GRXCR1: variants seen among roughly 807,000 people sequenced by gnomAD.
GRXCR1 encodes glutaredoxin and cysteine rich domain containing 1.
Under a neutral mutation model 27.3 loss-of-function variants are expected in GRXCR1, and 27 were observed. That is an observed-to-expected ratio of 0.99 (90% CI 0.73 to 1.37). GRXCR1 has a LOEUF of 1.37. Among genes scored for constraint, GRXCR1 ranks in the 40% most tolerant of loss-of-function variants. GRXCR1 has a pLI of 0.00. For synonymous variants in GRXCR1, 122 were observed against 131.1 expected (o/e 0.93, Z 0.47); for missense variants, 379 against 354.4 (o/e 1.07, Z -0.56).
At chr4:42,918,989 C>G (rs1395778400) in intron 1 of GRXCR1, among the ~76,000 whole-genome samples, 1 of 152,054 alleles carries the variant, frequency 6.6e-6, no homozygotes, top group Non-Finnish European at 1.5e-5. Context: ...TAGAAGGCAG[C>G]AGAAATCAGA....
In GRXCR1 at chr4:42,892,808, C is replaced by G. The variant is rs751913251; in HGVS notation, c.-459C>G. ...GTCCTGTGAGAAAACTGTGACTGCT[C>G]TTATCCTACAAACTTGGTTCCACAT... On this transcript the variant is annotated 5_prime_UTR_variant, in exon 1 of 4. Transcript: ENST00000399770. Among the ~76,000 whole-genome samples, 25 of 152,104 alleles carry G rather than the reference C, an allele frequency of 1.6e-4. No homozygotes were observed. Among genetic ancestry groups the G allele is most frequent in the Non-Finnish European group, 3.2e-4 (22 of 68,000 alleles).
At chr4:42,893,692 C>G in intron 1 of GRXCR1, 42 bp downstream of exon 1, 2 of 1,591,654 alleles carry the variant, frequency 1.3e-6, no homozygotes, top group South Asian at 1.1e-5. Context: ...TTGTTCCTAA[C>G]TCACCATCTG....
intron 2 of GRXCR1, among the ~76,000 whole-genome samples, chr4:43,018,437 G>A (rs1368621240): frequency 2.0e-5 from 3 of 152,292 alleles, no homozygotes; most frequent in Admixed American, 6.5e-5. Context: ...TTTGCTTAAC[G>A]TAAGCAAAGC....
At chr4:42,976,714 T>G (rs1352199285) in intron 2 of GRXCR1, among the ~76,000 whole-genome samples, 10 of 152,044 alleles carry the variant, frequency 6.6e-5, no homozygotes, top group Admixed American at 6.6e-4. Context: ...ATTGTATGTG[T>G]TTATCATGTA....
At chr4:42,983,862 G>T (rs1373626504) in intron 2 of GRXCR1, among the ~76,000 whole-genome samples, 17 of 141,794 alleles carry the variant, frequency 1.2e-4, no homozygotes, top group African/African-American at 4.2e-4. Context: ...TTCAGACAGA[G>T]TCTCACTCTG....
chr4:43,007,712 T>G (rs1300687575), intron 2 of GRXCR1, among the ~76,000 whole-genome samples: 5 of 152,238 alleles, frequency 3.3e-5, no homozygotes, highest in Non-Finnish European at 7.3e-5. Flanking sequence ...TCAAGGTCAA[T>G]GGCTAGAATA....
At chr4:42,946,277 C>T (rs1234609613) in intron 1 of GRXCR1, among the ~76,000 whole-genome samples, 1 of 138,274 alleles carries the variant, frequency 7.2e-6, no homozygotes, top group Non-Finnish European at 1.5e-5. Flanking sequence ...CAAATGCTTC[C>T]TTAAGTGACA....
At chr4:43,029,965 C>G (rs1410670857) in intron 3 of GRXCR1, among the ~76,000 whole-genome samples, 1 of 149,418 alleles carries the variant, frequency 6.7e-6, no homozygotes, top group Non-Finnish European at 1.5e-5. Context: ...ATATGCTATT[C>G]TATAAACAGA....
intron 1 of GRXCR1, among the ~76,000 whole-genome samples, chr4:42,936,146 A>T (rs1216224701): frequency 6.6e-6 from 1 of 151,878 alleles, no homozygotes; most frequent in African/African-American, 2.4e-5. Flanking sequence ...CTTTGGAGTG[A>T]CTTTGTTTCT....
At chr4:42,916,616 C>A (rs1193458260) in intron 1 of GRXCR1, among the ~76,000 whole-genome samples, 1 of 152,052 alleles carries the variant, frequency 6.6e-6, no homozygotes, top group African/African-American at 2.4e-5. Flanking sequence ...TTGCATTCTT[C>A]TGGGGGCATA....
intron 3 of GRXCR1, among the ~76,000 whole-genome samples, chr4:43,021,397 A>G (rs550466186): frequency 6.6e-6 from 1 of 152,246 alleles, no homozygotes; most frequent in East Asian, 1.9e-4. Flanking sequence ...GGCCTTATAA[A>G]AGTCTTTTTT....
At chr4:42,923,393 G>A (rs561273821) in intron 1 of GRXCR1, among the ~76,000 whole-genome samples, 2 of 152,148 alleles carry the variant, frequency 1.3e-5, no homozygotes, top group Non-Finnish European at 2.9e-5. Flanking sequence ...GTCCATTCGA[G>A]GCCCAATAAG....
chr4:42,987,236 TATATAATATATAA>T (rs1553943926), intron 2 of GRXCR1, among the ~76,000 whole-genome samples: 3,548 of 70,664 alleles, frequency 0.05, 84 homozygotes, highest in African/African-American at 0.056. Flanking sequence ...ATATTATATA[TATATAATATATAA>T]TATATATATA....
intron 1 of GRXCR1, among the ~76,000 whole-genome samples, chr4:42,903,923 G>C (rs1257606102): frequency 6.6e-6 from 1 of 152,084 alleles, no homozygotes; most frequent in Admixed American, 6.6e-5. Flanking sequence ...AAGAGTCTTT[G>C]CCTCTCTCCT....
At chr4:42,993,411 G>A (rs1712036754) in intron 2 of GRXCR1, among the ~76,000 whole-genome samples, 1 of 151,824 alleles carries the variant, frequency 6.6e-6, no homozygotes, top group Non-Finnish European at 1.5e-5. Context: ...TAAACTATAT[G>A]TTCTAGTTTT....
intron 1 of GRXCR1, among the ~76,000 whole-genome samples, chr4:42,916,873 G>A (rs539659067): frequency 2.2e-4 from 33 of 152,056 alleles, no homozygotes; most frequent in Non-Finnish European, 4.0e-4. Flanking sequence ...TTTGCAAGAT[G>A]ATGATTTCTT....
intron 1 of GRXCR1, among the ~76,000 whole-genome samples, chr4:42,950,668 T>C (rs916927995): frequency 6.6e-6 from 1 of 152,166 alleles, no homozygotes; most frequent in African/African-American, 2.4e-5. Flanking sequence ...ATATTTATAA[T>C]TAACAATGTG....
chr4:42,994,333 A>G (rs1460316856), intron 2 of GRXCR1, among the ~76,000 whole-genome samples: 2 of 152,146 alleles, frequency 1.3e-5, no homozygotes, highest in African/African-American at 4.8e-5. Context: ...GAAATCAAGA[A>G]TTGGAGATTC....
At position 42,892,852 on chromosome 4, in the gene GRXCR1, T is replaced by A. The variant is rs532272139; in HGVS notation, c.-415T>A. 6.6e-6 allele frequency among the ~76,000 whole-genome samples: 1 copy of A among 152,276 alleles called. No individual in the cohort carries two copies. Among genetic ancestry groups the A allele is most frequent in the African/African-American group, 2.4e-5 (1 of 41,580 alleles). On this transcript the variant is annotated 5_prime_UTR_variant, in exon 1 of 4. Transcript: ENST00000399770. Reference sequence around the variant, plus strand: ...TCCACATTTTACCTCTAACCTCTGGTTTGGACAATGAATAGTAGAGACATG... The same window carrying A: ...TCCACATTTTACCTCTAACCTCTGGATTGGACAATGAATAGTAGAGACATG...
Sources: allele counts gnomAD v4.1 joint callset (sites outside exome capture counted in the v4.1 genomes callset), GRCh38; gene constraint gnomAD v4.1.1; transcripts MANE v1.5; gene names NCBI Gene and HGNC (gene_info 2026-07-23, HGNC 2026-07-21).